Variants in HIP1 observed in about 807,000 individuals in gnomAD.
HIP1 encodes huntingtin interacting protein 1, also known as huntingtin-interacting protein 1.
HIP1 carries 65 observed loss-of-function variants against 147.6 expected under a neutral mutation model. The ratio of observed to expected loss-of-function variants is 0.44; its 90% confidence interval spans 0.36 to 0.54. HIP1 has a LOEUF of 0.54. Ranked by LOEUF, HIP1 falls within the 20% of genes least tolerant of loss-of-function variation. HIP1 has a pLI of 0.00. For missense variants in HIP1, 1,061 were observed against 1,299.6 expected, an observed-to-expected ratio of 0.82 and a Z score of 2.82; for synonymous variants, 479 against 504.0, an observed-to-expected ratio of 0.95 and a Z score of 0.67.
intron 8 of HIP1, among the ~76,000 whole-genome samples, chr7:75,571,948 A>G (rs1224593209): frequency 2.0e-5 from 3 of 152,136 alleles, no homozygotes; most frequent in Non-Finnish European, 2.9e-5. Context: ...GGTGGGTCAT[A>G]CCTGTAATCC....
chr7:75,604,608 G>A (rs148270562), intron 1 of HIP1, among the ~76,000 whole-genome samples: 106 of 152,102 alleles, frequency 7.0e-4, no homozygotes, highest in African/African-American at 2.3e-3. Context: ...ATTGGAGGCT[G>A]CAGTGAGCTG....
intron 20 of HIP1, 48 bp from the exon 21 acceptor site, chr7:75,554,268 A>G (rs1554492744): frequency 6.7e-7 from 1 of 1,490,374 alleles, no homozygotes; most frequent in Non-Finnish European, 9.3e-7. Context: ...TGATGGTGAC[A>G]CTTTCATACC....
chr7:75,581,203 A>T lies in HIP1; in HGVS notation c.604+34T>A. The stretch of plus-strand genomic sequence containing the variant: ...GACTAGGAATTAGGTAGTTCCCATG[A>T]GAGCCTGGGTTAGACGGGAGGGAAG... On this transcript the variant is annotated intron_variant, in intron 7 of 30. Coordinates refer to ENST00000336926, the MANE Select transcript of HIP1 (RefSeq NM_005338.7). 4 of 1,545,100 alleles carry T rather than the reference A, an allele frequency of 2.6e-6. No individual in the cohort carries two copies. In the South Asian group the frequency reaches 4.5e-5, roughly 18 times the overall value.
chr7:75,534,781 ACT>A lies in HIP1; in HGVS notation c.*3389_*3390del, dbSNP rs1554488250. 4 of 192,940 alleles carry A rather than the reference ACT, an allele frequency of 2.1e-5. No individual in the cohort carries two copies. Among genetic ancestry groups the A allele is most frequent in the African/African-American group, 7.0e-5 (3 of 43,076 alleles). 12.0% of individuals were successfully genotyped at this position (192,940 alleles called of 1,614,324 possible). Reference sequence around the variant, plus strand: ...ATCTTTTCTCTAGAGGTCTCAGGGCACTGTCTTACAAACTTAAGTAACAGATG... The same window carrying A: ...ATCTTTTCTCTAGAGGTCTCAGGGCAGTCTTACAAACTTAAGTAACAGATG... On this transcript the variant is annotated 3_prime_UTR_variant, in exon 31 of 31. Transcript: ENST00000336926.
Position 75,686,535 on chromosome 7 carries a change from C to T in HIP1, c.120+52266G>A, listed in dbSNP as rs201622979. ...GCAGACTCTGAGACAAGGATGTCAGCGCAGGGAGCTTATTTGGTATTTGGG... is the reference window on the plus strand; with the variant it reads ...GCAGACTCTGAGACAAGGATGTCAGTGCAGGGAGCTTATTTGGTATTTGGG... On this transcript the variant is annotated intron_variant, in intron 1 of 30. Transcript: ENST00000336926. Among the ~76,000 whole-genome samples, 14 of 152,182 alleles carry T rather than the reference C, an allele frequency of 9.2e-5. No homozygotes were observed. In the East Asian group the frequency reaches 2.3e-3, roughly 25 times the overall value.
chr7:75,716,293 T>A (rs1432329865), intron 1 of HIP1, among the ~76,000 whole-genome samples: 2 of 151,792 alleles, frequency 1.3e-5, no homozygotes, highest in African/African-American at 4.8e-5. Context: ...AGTAGTACAG[T>A]CTTGGCTCAC....
At chr7:75,616,085 C>CAAAAAAAAAAAA (rs71098042) in intron 1 of HIP1, among the ~76,000 whole-genome samples, 29 of 35,266 alleles carry the variant, frequency 8.2e-4, no homozygotes, top group African/African-American at 1.6e-3. Flanking sequence ...GACTCTGTCT[C>CAAAAAAAAAAAA]AAAAAAAAAA....
At chr7:75,693,859 A>G (rs1167074067) in intron 1 of HIP1, among the ~76,000 whole-genome samples, 1 of 152,020 alleles carries the variant, frequency 6.6e-6, no homozygotes, top group South Asian at 2.1e-4. Context: ...TGCTGATGAC[A>G]AGCAATATCT....
At chr7:75,716,258 T>G (rs1007352248) in intron 1 of HIP1, among the ~76,000 whole-genome samples, 1 of 152,116 alleles carries the variant, frequency 6.6e-6, no homozygotes, top group East Asian at 1.9e-4. Flanking sequence ...GAGACAGTCT[T>G]GCTCTGTCGC....
chr7:75,650,593 C>T (rs1554511817), intron 1 of HIP1, among the ~76,000 whole-genome samples: 1 of 152,034 alleles, frequency 6.6e-6, no homozygotes, highest in Admixed American at 6.6e-5. Flanking sequence ...GCTGGAATTA[C>T]AGGTGCACAC....
chr7:75,593,237 G>C (rs1256179319), intron 2 of HIP1, among the ~76,000 whole-genome samples: 1 of 152,096 alleles, frequency 6.6e-6, no homozygotes, highest in African/African-American at 2.4e-5. Context: ...GCAAAGTGCT[G>C]GGGTTACAGG....
At chr7:75,616,165 C>G (rs1182460688) in intron 1 of HIP1, among the ~76,000 whole-genome samples, 1 of 151,814 alleles carries the variant, frequency 6.6e-6, no homozygotes, top group Non-Finnish European at 1.5e-5. Flanking sequence ...GTAACATCGT[C>G]CTAGACAAGA....
chr7:75,568,128 G>A lies in HIP1; in HGVS notation c.803+71C>T. On this transcript the variant is annotated intron_variant, in intron 9 of 30. Transcript: ENST00000336926. The surrounding 1 kb of genome is among the most constrained non-coding windows in gnomAD (Gnocchi z 4.1). ...ACTGTGTCCAGCCACCTCTCACAGT[G>A]CACTTGCATGGCTTAATGATTTTAT... The A allele has an allele frequency of 9.2e-7, 1 of 1,087,510 alleles. No individual in the cohort carries two copies. Among genetic ancestry groups the A allele is most frequent in the Non-Finnish European group, 1.4e-6 (1 of 700,498 alleles). The allele number at this position is 1,087,510 out of a possible 1,614,324, so 67.4% of individuals were successfully genotyped here. A position where few individuals can be genotyped will look rare whatever the true frequency, so the allele number is the denominator to read the frequency against.
intron 1 of HIP1, among the ~76,000 whole-genome samples, chr7:75,724,023 C>A (rs1584981025): frequency 6.6e-6 from 1 of 152,048 alleles, no homozygotes; most frequent in East Asian, 1.9e-4. Flanking sequence ...GTGGTGCAAT[C>A]TCAGCTCACT....
intron 24 of HIP1, 93 bp from the exon 25 acceptor site, chr7:75,547,125 CT>C: frequency 9.4e-7 from 1 of 1,063,942 alleles, no homozygotes; most frequent in Non-Finnish European, 1.4e-6. Context: ...CAAAGGCAAG[CT>C]TGGAATGGGA....
At chr7:75,638,571 C>T (rs1798521229) in intron 1 of HIP1, among the ~76,000 whole-genome samples, 1 of 152,130 alleles carries the variant, frequency 6.6e-6, no homozygotes, top group Admixed American at 6.5e-5. Flanking sequence ...CATTCCTGCC[C>T]CCTCACCTCC....
chr7:75,735,665 C>CTCTTTTCTTT (rs143807962), intron 1 of HIP1, among the ~76,000 whole-genome samples: 11 of 149,992 alleles, frequency 7.3e-5, no homozygotes, highest in East Asian at 3.9e-4. Flanking sequence ...TAGGGCTGTT[C>CTCTTTTCTTT]TCTTTTCTTT....
rs545543699 is a variant in HIP1, at chr7:75,637,883, G to T, written c.121-38636C>A. Among the ~76,000 whole-genome samples the T allele has an allele frequency of 2.6e-5, 4 of 151,294 alleles. No homozygotes were observed. In the East Asian group the frequency reaches 5.9e-4, roughly 22 times the overall value. ...AGAACCAACCTCCCTTGGTTGCCTC[G>T]AAAGGGCACCCTCTGGGGAAAAGTA... is the stretch of plus-strand genomic sequence containing the variant. On this transcript the variant is annotated intron_variant, in intron 1 of 30. Transcript: ENST00000336926.
At chr7:75,619,515 CA>C (rs587631989) in intron 1 of HIP1, among the ~76,000 whole-genome samples, 27,565 of 109,516 alleles carry the variant, frequency 0.25, 2,865 homozygotes, top group Middle Eastern at 0.33. Context: ...GACTTTGTCT[CA>C]AAAAAAAAAA....
Sources: gnomAD v4.1 joint callset for allele counts (sites outside exome capture counted in the v4.1 genomes callset) on GRCh38, gnomAD v4.1.1 for gene constraint, Gnocchi (gnomAD v3.1) non-coding constraint, MANE v1.5 for transcripts, NCBI Gene and HGNC (gene_info 2026-07-23, HGNC 2026-07-21) for gene names.